Variants in PDS5A observed in about 807,000 individuals in gnomAD.
PDS5A encodes sister chromatid cohesion protein PDS5 homolog A.
In PDS5A, 42 loss-of-function variants were observed where a neutral mutation model predicts 167.1. The observed-to-expected ratio is 0.25, with a 90% CI of 0.20 to 0.33. The LOEUF (loss-of-function observed/expected upper bound fraction) is 0.33, where lower values mean the gene tolerates loss of function less well. Ranked by LOEUF, PDS5A falls within the 10% of genes least tolerant of loss-of-function variation. PDS5A has a pLI of 1.00. For missense variants in PDS5A, 1,033 were observed against 1,605.9 expected (o/e 0.64, Z 6.10); for synonymous variants, 553 against 554.6 (o/e 1.00, Z 0.04).
At position 39,823,056 on chromosome 4, in the gene PDS5A, G is replaced by A. The variant is rs1714999403; in HGVS notation, c.*2429C>T. The A allele has an allele frequency of 6.6e-6, 1 of 152,540 alleles. No individual in the cohort carries two copies. Among genetic ancestry groups the A allele is most frequent in the Non-Finnish European group, 1.5e-5 (1 of 68,024 alleles). 9.4% of individuals were successfully genotyped at this position (152,540 alleles called of 1,614,324 possible). On this transcript the variant is annotated 3_prime_UTR_variant, in exon 33 of 33. Transcript: ENST00000303538. ...ATTATACACACTTTTTATCAAAGGA[G>A]ATACAAAATTCTGGCTTGTTGTTTT... is the stretch of plus-strand genomic sequence containing the variant.
At chr4:39,975,180 G>A (rs1414153736) in intron 2 of PDS5A, among the ~76,000 whole-genome samples, 2 of 151,900 alleles carry the variant, frequency 1.3e-5, no homozygotes, top group Admixed American at 6.6e-5. Flanking sequence ...TTGGGAGGCT[G>A]AGGCAGAATA....
chr4:39,825,584 CTT>C (rs200023345), intron 32 of PDS5A, 96 bp from the exon 33 acceptor site: 13,778 of 654,004 alleles, frequency 0.021, no homozygotes, highest in South Asian at 0.032. Flanking sequence ...TATCTAAAAT[CTT>C]TTTTTTTTTT....
chr4:39,831,331 C>G (rs1235445812), intron 32 of PDS5A, among the ~76,000 whole-genome samples: 1 of 151,964 alleles, frequency 6.6e-6, no homozygotes, highest in Non-Finnish European at 1.5e-5. Context: ...GAACTCCTGA[C>G]CTCGTGATCT....
intron 9 of PDS5A, among the ~76,000 whole-genome samples, chr4:39,910,660 T>G (rs1723804795): frequency 6.6e-6 from 1 of 152,164 alleles, no homozygotes; most frequent in Non-Finnish European, 1.5e-5. Flanking sequence ...TGCTACAAAG[T>G]AAAAAATATT....
intron 28 of PDS5A, 112 bp downstream of exon 28, chr4:39,848,739 A>AT (rs1252541076): frequency 9.5e-6 from 9 of 948,954 alleles, no homozygotes; most frequent in South Asian, 3.0e-5. Context: ...ATAAACCCAG[A>AT]TTTTTTCTTT....
chr4:39,861,457 C>T (rs1052279533), intron 26 of PDS5A, among the ~76,000 whole-genome samples: 16 of 151,228 alleles, frequency 1.1e-4, no homozygotes, highest in African/African-American at 3.7e-4. Context: ...GACTCCATCT[C>T]GGAAAAAAAT....
chr4:39,905,182 G>C (rs1723225840), intron 11 of PDS5A, among the ~76,000 whole-genome samples: 1 of 152,044 alleles, frequency 6.6e-6, no homozygotes, highest in Non-Finnish European at 1.5e-5. Flanking sequence ...ACTAACCAGT[G>C]AATCTAAAAA....
chr4:39,903,485 C>T (rs1723048658), intron 12 of PDS5A, among the ~76,000 whole-genome samples: 1 of 152,198 alleles, frequency 6.6e-6, no homozygotes, highest in Non-Finnish European at 1.5e-5. Context: ...CACCAAGTAT[C>T]ATTTGTACGA....
At chr4:39,959,134 T>A (rs1165939727) in intron 2 of PDS5A, among the ~76,000 whole-genome samples, 1 of 152,138 alleles carries the variant, frequency 6.6e-6, no homozygotes, top group African/African-American at 2.4e-5. Flanking sequence ...ACATTGTAAA[T>A]TACAATCATC....
At chr4:39,866,408 C>T (rs547449296) in intron 23 of PDS5A, among the ~76,000 whole-genome samples, 75 of 152,156 alleles carry the variant, frequency 4.9e-4, no homozygotes, top group Admixed American at 8.5e-4. Flanking sequence ...TAGGCCACCG[C>T]GCCTGGCTGC....
rs1308780302 is a variant in PDS5A at position 39,841,226 on chromosome 4, G to A, written c.3657+722C>T. On this transcript the variant is annotated intron_variant, in intron 31 of 32. Transcript: ENST00000303538. ...ACGATCTTAGCTCACTGCAACCTCC[G>A]CCTCCTGGGTTCAAGCAATTCTCCT... Among the ~76,000 whole-genome samples, 9 of 151,728 alleles carry A rather than the reference G, an allele frequency of 5.9e-5. No individual in the cohort carries two copies. The South Asian group carries it at 6.3e-4, about 11-fold the overall frequency.
intron 32 of PDS5A, among the ~76,000 whole-genome samples, chr4:39,828,230 A>T (rs1333898915): frequency 6.6e-6 from 1 of 152,242 alleles, no homozygotes; most frequent in Admixed American, 6.5e-5. Context: ...CAAATAGCTG[A>T]GGGAATACAT....
rs761057890 is a variant in PDS5A, at chr4:39,908,434, C to T, written c.1194G>A (p.Gln398=). The T allele has an allele frequency of 6.2e-6, 10 of 1,613,260 alleles. No homozygotes were observed. The South Asian group carries it at 1.1e-4, about 18-fold the overall frequency. The stretch of plus-strand genomic sequence containing the variant: ...TTCTTTCCCTTACAAAGCCAAGCAG[C>T]TGATCATTTACTAAGGCCAGGTCCC... ...AKRDLALVND[Q]LLGFVRERTL... The change falls in exon 11 of 33, where the codon CAG becomes CAA. Residue 398 remains glutamine, a synonymous_variant. Transcript: ENST00000303538.
chr4:39,828,471 C>G (rs2109460814), intron 32 of PDS5A, among the ~76,000 whole-genome samples: 1 of 152,256 alleles, frequency 6.6e-6, no homozygotes, highest in South Asian at 2.1e-4. Flanking sequence ...AAGAGGAATT[C>G]TGCGAGGGTT....
At chr4:39,854,750 T>A (rs886402980) in intron 26 of PDS5A, among the ~76,000 whole-genome samples, 1 of 152,084 alleles carries the variant, frequency 6.6e-6, no homozygotes, top group African/African-American at 2.4e-5. Flanking sequence ...TTACATAACC[T>A]CACAACCCAA....
At chr4:39,868,652 T>G (rs2109562108) in intron 22 of PDS5A, 1 of 453,406 alleles carries the variant, frequency 2.2e-6, no homozygotes, top group East Asian at 7.0e-5. Context: ...TTTAATATTT[T>G]GTAGAGACAT....
intron 12 of PDS5A, among the ~76,000 whole-genome samples, chr4:39,903,421 T>C (rs1353600515): frequency 2.0e-5 from 3 of 152,224 alleles, no homozygotes; most frequent in African/African-American, 7.2e-5. Flanking sequence ...ACATATCCAG[T>C]GATGCCAGAG....
rs565207145 is a variant in PDS5A, at chr4:39,929,880, G to T, written c.139-1716C>A. 7.3e-5 allele frequency among the ~76,000 whole-genome samples: 11 copies of T among 150,020 alleles called. No individual in the cohort carries two copies. In the South Asian group the frequency reaches 1.3e-3, roughly 17 times the overall value. On this transcript the variant is annotated intron_variant, in intron 2 of 32. Transcript: ENST00000303538. ...CCAACCTCAGCCTCCCAAGTAGGTG[G>T]ATCTACAAGCATGTGTCACTATACC... is the stretch of plus-strand genomic sequence containing the variant.
chr4:39,948,210 CAA>C (rs35177594), intron 2 of PDS5A, among the ~76,000 whole-genome samples: 16,873 of 97,016 alleles, frequency 0.17, 1,032 homozygotes, highest in East Asian at 0.46. Flanking sequence ...TATCCCGTCT[CAA>C]AAAAAAAAAA....
Sources: gnomAD v4.1 joint callset for allele counts (sites outside exome capture counted in the v4.1 genomes callset) on GRCh38, gnomAD v4.1.1 for gene constraint, MANE v1.5 for transcripts, NCBI Gene and HGNC (gene_info 2026-07-23, HGNC 2026-07-21) for gene names.